MYO9A: variants seen among roughly 807,000 people sequenced by gnomAD.
MYO9A encodes myosin IXA, also known as unconventional myosin-IXa.
A neutral mutation model predicts 293.3 loss-of-function variants in MYO9A; 103 were observed. That is an observed-to-expected ratio of 0.35 (90% CI 0.30 to 0.41). The LOEUF is 0.41. Ranked by LOEUF, MYO9A falls within the 10% of genes least tolerant of loss-of-function variation. The pLI, the probability that MYO9A is intolerant of heterozygous loss-of-function variation, is 1.00. For synonymous variants in MYO9A, 1,001 were observed against 1,035.7 expected (o/e 0.97, Z 0.64); for missense variants, 2,685 against 3,033.0 (o/e 0.89, Z 2.69).
Position 72,082,735 on chromosome 15 carries a change from C to T in MYO9A, c.-72+34945G>A, listed in dbSNP as rs547114976. Among the ~76,000 whole-genome samples the T allele has an allele frequency of 6.6e-5, 10 of 151,680 alleles. No individual in the cohort carries two copies. The East Asian group carries it at 1.2e-3, about 18-fold the overall frequency. On this transcript the variant is annotated intron_variant, in intron 1 of 41. Coordinates refer to ENST00000356056, the MANE Select transcript of MYO9A (RefSeq NM_006901.4). ...CCTCGTTTATTGAGAGTTTTTAACA[C>T]GAAAGGCTGTTGAATTTTATCAAAA...
At chr15:71,855,033 T>A (rs1213155837) in intron 34 of MYO9A, among the ~76,000 whole-genome samples, 1 of 152,226 alleles carries the variant, frequency 6.6e-6, no homozygotes, top group Non-Finnish European at 1.5e-5. Context: ...GATTTCATAA[T>A]TAAAGGCAGA....
intron 1 of MYO9A, among the ~76,000 whole-genome samples, chr15:72,111,085 G>A (rs1050900528): frequency 2.0e-4 from 31 of 151,766 alleles, no homozygotes; most frequent in Non-Finnish European, 1.0e-4. Flanking sequence ...CGTGAACCTG[G>A]GAGGCAGAGC....
intron 32 of MYO9A, among the ~76,000 whole-genome samples, chr15:71,865,309 T>C (rs544580387): frequency 6.6e-6 from 1 of 152,134 alleles, no homozygotes; most frequent in African/African-American, 2.4e-5. Context: ...AAAAATAATG[T>C]TCTGTGAAAA....
At position 71,996,842 on chromosome 15, in the gene MYO9A, T is replaced by G. The variant is rs187996838; in HGVS notation, c.1471-2257A>C. On this transcript the variant is annotated intron_variant, in intron 9 of 41. Coordinates refer to ENST00000356056, the MANE Select transcript of MYO9A (RefSeq NM_006901.4). Reference sequence around the variant, plus strand: ...CCAAAACCCAAGATAGCCCACAAGATTCCCTGGGGGTACAAGTTCTATATA... The same window carrying G: ...CCAAAACCCAAGATAGCCCACAAGAGTCCCTGGGGGTACAAGTTCTATATA... 3.1e-3 allele frequency among the ~76,000 whole-genome samples: 471 copies of G among 152,056 alleles called. 4 individuals carry two copies. The highest frequency in any genetic ancestry group is 4.8e-3 in the Non-Finnish European group (325 of 67,996).
rs137861492 is a variant in MYO9A, at chr15:71,899,831, C to T, written c.3326G>A (p.Arg1109Lys). 85 of 1,614,168 alleles carry T rather than the reference C, an allele frequency of 5.3e-5. No individual in the cohort carries two copies. The African/African-American group carries it at 1.1e-3, about 21-fold the overall frequency. The change falls in exon 24 of 42, where the codon AGA becomes AAA. Residue 1109 changes from arginine (R) to lysine (K), a missense_variant. Arg to Lys is a conservative substitution (Grantham distance 26). This residue lies in a region of MYO9A where 1,434 missense variants were observed against 1,497.7 expected (regional missense o/e 0.96). Coordinates refer to ENST00000356056, the MANE Select transcript of MYO9A (RefSeq NM_006901.4). ...CATGTGCCTGCGCCTATAGTAATCT[C>T]TCCATTTCTGCTGGATAACGATGGC... ...AAAIVIQQKW[R>K]DYYRRRHMAA... is the part of the protein sequence containing the mutation.
At chr15:71,894,864 A>T (rs913259374) in intron 25 of MYO9A, among the ~76,000 whole-genome samples, 1 of 152,202 alleles carries the variant, frequency 6.6e-6, no homozygotes, top group Admixed American at 6.5e-5. Flanking sequence ...CATCAACAAC[A>T]TATTGATAAT....
intron 10 of MYO9A, among the ~76,000 whole-genome samples, chr15:71,992,505 G>A (rs1373848934): frequency 6.6e-6 from 1 of 151,706 alleles, no homozygotes; most frequent in Non-Finnish European, 1.5e-5. Context: ...CTAAGTCTAG[G>A]CCCTTAAAAA....
At chr15:71,997,269 A>T (rs2076724144) in intron 9 of MYO9A, among the ~76,000 whole-genome samples, 2 of 152,160 alleles carry the variant, frequency 1.3e-5, no homozygotes, top group African/African-American at 2.4e-5. Flanking sequence ...AATGCTTTGC[A>T]CATTTCTCGG....
chr15:72,021,929 A>C (rs909662209), intron 4 of MYO9A, among the ~76,000 whole-genome samples: 1 of 152,158 alleles, frequency 6.6e-6, no homozygotes, highest in African/African-American at 2.4e-5. Flanking sequence ...TAGATTTGTG[A>C]AATACCTAGC....
chr15:71,889,159 A>G (rs890861410), intron 26 of MYO9A, among the ~76,000 whole-genome samples: 1 of 152,040 alleles, frequency 6.6e-6, no homozygotes, highest in Non-Finnish European at 1.5e-5. Flanking sequence ...AAGCACAAAG[A>G]TAGAACTCTA....
At chr15:72,033,387 T>C (rs1188336798) in intron 2 of MYO9A, among the ~76,000 whole-genome samples, 1 of 152,138 alleles carries the variant, frequency 6.6e-6, no homozygotes, top group Non-Finnish European at 1.5e-5. Flanking sequence ...ATTATGCCTA[T>C]TTAAAACAAA....
intron 25 of MYO9A, 145 bp downstream of exon 25, chr15:71,897,316 G>T: frequency 1.2e-6 from 1 of 865,544 alleles, no homozygotes; most frequent in Non-Finnish European, 1.8e-6. Flanking sequence ...TGATGGTAGA[G>T]TCAACAATTA....
At chr15:71,858,362 G>A (rs1271651383) in intron 34 of MYO9A, among the ~76,000 whole-genome samples, 1 of 152,082 alleles carries the variant, frequency 6.6e-6, no homozygotes, top group Admixed American at 6.6e-5. Context: ...CAACCCAAAT[G>A]TCCATCAATG....
Position 71,938,845 on chromosome 15 carries a change from C to T in MYO9A, c.2378+7G>A. ...CGTCCTTGAAAACATAAACCAAACACACTTACTGTTGGTTTTTTTCATTTA... is the reference window on the plus strand; with the variant it reads ...CGTCCTTGAAAACATAAACCAAACATACTTACTGTTGGTTTTTTTCATTTA... On this transcript the variant is annotated splice_region_variant and intron_variant, in intron 16 of 41. Transcript: ENST00000356056. The T allele has an allele frequency of 1.3e-6, 2 of 1,596,926 alleles. No individual in the cohort carries two copies.
At chr15:72,110,930 C>T (rs961146790) in intron 1 of MYO9A, among the ~76,000 whole-genome samples, 1 of 152,188 alleles carries the variant, frequency 6.6e-6, no homozygotes, top group African/African-American at 2.4e-5. Context: ...GAGGCCGAAG[C>T]GGGCGGATCA....
chr15:71,896,681 G>A (rs945657751), intron 25 of MYO9A, among the ~76,000 whole-genome samples: 1 of 151,946 alleles, frequency 6.6e-6, no homozygotes, highest in African/African-American at 2.4e-5. Context: ...TCGGGAGGCT[G>A]AGACAGGAGA....
chr15:71,947,266 G>A (rs1326323584), intron 15 of MYO9A, among the ~76,000 whole-genome samples: 2 of 135,600 alleles, frequency 1.5e-5, no homozygotes, highest in African/African-American at 5.6e-5. Context: ...TGTGTGACAA[G>A]CCAGACTCCA....
At chr15:72,071,687 A>G (rs2079195538) in intron 1 of MYO9A, among the ~76,000 whole-genome samples, 1 of 152,122 alleles carries the variant, frequency 6.6e-6, no homozygotes, top group Admixed American at 6.5e-5. Context: ...CCGAGGAGAC[A>G]GAGGCTGCAG....
At chr15:71,900,866 C>G (rs1238010721) in intron 23 of MYO9A, among the ~76,000 whole-genome samples, 1 of 152,124 alleles carries the variant, frequency 6.6e-6, no homozygotes, top group Non-Finnish European at 1.5e-5. Flanking sequence ...ATACAACTCT[C>G]AAACATCACT....
Sources: allele counts gnomAD v4.1 joint callset (sites outside exome capture counted in the v4.1 genomes callset), GRCh38; gene constraint gnomAD v4.1.1; regional missense constraint gnomAD v4.1.1; transcripts MANE v1.5; gene names NCBI Gene and HGNC (gene_info 2026-07-23, HGNC 2026-07-21).